PACRG: variants seen among roughly 807,000 people sequenced by gnomAD.
PACRG encodes parkin coregulated.
Under a neutral mutation model 29.7 loss-of-function variants are expected in PACRG, and 29 were observed. The observed-to-expected ratio is 0.98, with a 90% CI of 0.73 to 1.33. The LOEUF (loss-of-function observed/expected upper bound fraction) is 1.33, where lower values mean the gene tolerates loss of function less well. Ranked by LOEUF, PACRG falls within the 40% of genes most tolerant of loss-of-function variation. The probability of loss-of-function intolerance (pLI) is 0.00; values close to 1 mark genes in which losing one functional copy is unlikely to be tolerated. For synonymous variants in PACRG, 116 were observed against 118.7 expected, an observed-to-expected ratio of 0.98 and a Z score of 0.15; for missense variants, 279 against 316.2, an observed-to-expected ratio of 0.88 and a Z score of 0.89.
chr6:163,092,111 G>A lies in PACRG; in HGVS notation c.613+2703G>A, dbSNP rs180850128. 2.0e-5 allele frequency among the ~76,000 whole-genome samples: 3 copies of A among 152,174 alleles called. No homozygotes were observed. The East Asian group carries it at 5.8e-4, about 29-fold the overall frequency. On this transcript the variant is annotated intron_variant, in intron 4 of 4. Coordinates refer to ENST00000366888, the MANE Select transcript of PACRG (RefSeq NM_001080379.2). ...TTTTAGAATGAGACCAGATACAAAT[G>A]ACAAAAAAGAATGAGAGAAAATATT...
chr6:162,820,426 A>C (rs1288684494), intron 2 of PACRG, among the ~76,000 whole-genome samples: 1 of 152,230 alleles, frequency 6.6e-6, no homozygotes, highest in African/African-American at 2.4e-5. Context: ...TATTGCATAT[A>C]ATTATTATAA....
chr6:162,738,165 A>G (rs1022889688), intron 1 of PACRG, among the ~76,000 whole-genome samples: 7 of 152,202 alleles, frequency 4.6e-5, no homozygotes, highest in Admixed American at 2.6e-4. Flanking sequence ...ATTTGTATAC[A>G]TTATTCCTAA....
rs1003164585 is a variant in PACRG, at chr6:163,242,470, C to T, written c.614-72357C>T. 2.6e-5 allele frequency among the ~76,000 whole-genome samples: 4 copies of T among 152,286 alleles called. No individual in the cohort carries two copies. In the East Asian group the frequency reaches 5.8e-4, roughly 22 times the overall value. The stretch of plus-strand genomic sequence containing the variant: ...GAGATTGCAATCATTGTAGCATTTT[C>T]CTCTTGATTTATAAGGCTCAATTAT... On this transcript the variant is annotated intron_variant, in intron 4 of 4. Coordinates refer to ENST00000366888, the MANE Select transcript of PACRG (RefSeq NM_001080379.2).
At chr6:163,135,684 G>T (rs141394890) in intron 4 of PACRG, among the ~76,000 whole-genome samples, 2 of 152,184 alleles carry the variant, frequency 1.3e-5, no homozygotes, top group African/African-American at 4.8e-5. Context: ...TAGAAATGCT[G>T]GGCTGAAAGT....
At chr6:162,970,332 C>T (rs73783943) in intron 2 of PACRG, among the ~76,000 whole-genome samples, 15,327 of 152,078 alleles carry the variant, frequency 0.1, 1,022 homozygotes, top group East Asian at 0.26. Flanking sequence ...GTCTGGGGAG[C>T]GCATCGATTT....
At chr6:163,009,873 G>C (rs887055287) in intron 2 of PACRG, among the ~76,000 whole-genome samples, 1 of 152,146 alleles carries the variant, frequency 6.6e-6, no homozygotes, top group African/African-American at 2.4e-5. Context: ...TTTTTTATGA[G>C]ATTTGCATTC....
intron 1 of PACRG, among the ~76,000 whole-genome samples, chr6:162,734,731 G>A (rs1780029465): frequency 3.9e-5 from 6 of 152,130 alleles, no homozygotes; most frequent in Admixed American, 3.9e-4. Flanking sequence ...AAAGGATAGA[G>A]CAAGGACTGG....
At chr6:163,296,365 G>A (rs767233951) in intron 4 of PACRG, among the ~76,000 whole-genome samples, 16 of 152,068 alleles carry the variant, frequency 1.1e-4, no homozygotes, top group Middle Eastern at 6.8e-3. Context: ...GCACAATCTC[G>A]GCTCACTGCA....
chr6:163,167,234 T>C (rs1778852989), intron 4 of PACRG, among the ~76,000 whole-genome samples: 2 of 152,358 alleles, frequency 1.3e-5, no homozygotes, highest in South Asian at 2.1e-4. Context: ...ATTATTATGA[T>C]TAAATTTTAT....
chr6:162,853,736 C>T lies in PACRG; in HGVS notation c.291+39455C>T, dbSNP rs1791124753. Among the ~76,000 whole-genome samples, 1 of 152,190 alleles carries T rather than the reference C, an allele frequency of 6.6e-6. No individual in the cohort carries two copies. Among genetic ancestry groups the T allele is most frequent in the African/African-American group, 2.4e-5 (1 of 41,444 alleles). On this transcript the variant is annotated intron_variant, in intron 2 of 4. Coordinates refer to ENST00000366888, the MANE Select transcript of PACRG (RefSeq NM_001080379.2). This position sits in a 1 kb window ranked among gnomAD's most constrained non-coding sequence, Gnocchi z 4.7. ...TGTTTGTCTATGTAACAAACCTTCACATGTACCCCTAAACCTAAAATAAAC... is the reference window on the plus strand; with the variant it reads ...TGTTTGTCTATGTAACAAACCTTCATATGTACCCCTAAACCTAAAATAAAC...
chr6:163,063,937 G>T (rs1042482868), intron 3 of PACRG, among the ~76,000 whole-genome samples: 3 of 152,116 alleles, frequency 2.0e-5, no homozygotes, highest in Non-Finnish European at 4.4e-5. Flanking sequence ...TCACATTTTT[G>T]AATACATTAA....
At chr6:163,056,407 A>G (rs766410070) in intron 2 of PACRG, among the ~76,000 whole-genome samples, 1 of 152,234 alleles carries the variant, frequency 6.6e-6, no homozygotes, top group Non-Finnish European at 1.5e-5. Flanking sequence ...TTATTCAGCC[A>G]TTGTTTCATT....
At chr6:163,249,715 C>G (rs1457035342) in intron 4 of PACRG, among the ~76,000 whole-genome samples, 2 of 152,204 alleles carry the variant, frequency 1.3e-5, no homozygotes, top group Non-Finnish European at 2.9e-5. Context: ...TTCCTGGCAG[C>G]AGAAGTTGAC....
chr6:163,076,522 G>A (rs527941671), intron 3 of PACRG, among the ~76,000 whole-genome samples: 5 of 152,258 alleles, frequency 3.3e-5, no homozygotes, highest in Admixed American at 1.3e-4. Flanking sequence ...CAGATTTTAA[G>A]GGCAGACTCC....
intron 4 of PACRG, among the ~76,000 whole-genome samples, chr6:163,266,959 A>G (rs1783550191): frequency 6.6e-6 from 1 of 152,202 alleles, no homozygotes; most frequent in Non-Finnish European, 1.5e-5. Flanking sequence ...TCAACATGGA[A>G]CACGTCTGTC....
At chr6:163,273,082 A>G (rs900596934) in intron 4 of PACRG, among the ~76,000 whole-genome samples, 1 of 147,114 alleles carries the variant, frequency 6.8e-6, no homozygotes, top group Non-Finnish European at 1.5e-5. Context: ...TTTAGTAGAG[A>G]CGGGGTTTCA....
intron 4 of PACRG, among the ~76,000 whole-genome samples, chr6:163,244,434 G>A (rs779134747): frequency 7.9e-5 from 12 of 152,102 alleles, no homozygotes; most frequent in African/African-American, 2.7e-4. Flanking sequence ...ATACACTGCC[G>A]TGCCTTGCAA....
intron 1 of PACRG, among the ~76,000 whole-genome samples, chr6:162,760,976 C>A (rs1265905463): frequency 6.6e-6 from 1 of 152,108 alleles, no homozygotes; most frequent in African/African-American, 2.4e-5. Flanking sequence ...GTCTAACTGC[C>A]AGCACTTACT....
At chr6:162,846,577 G>A (rs994382035) in intron 2 of PACRG, among the ~76,000 whole-genome samples, 1 of 152,068 alleles carries the variant, frequency 6.6e-6, no homozygotes, top group Non-Finnish European at 1.5e-5. Flanking sequence ...TTCATCTTTA[G>A]TAGGAGACTC....
Sources: allele counts gnomAD v4.1 joint callset (sites outside exome capture counted in the v4.1 genomes callset), GRCh38; gene constraint gnomAD v4.1.1; non-coding constraint Gnocchi (gnomAD v3.1); transcripts MANE v1.5; gene names NCBI Gene and HGNC (gene_info 2026-07-23, HGNC 2026-07-21).